Variants in CTNNA3 observed in about 807,000 individuals in gnomAD.
CTNNA3 encodes the protein catenin alpha-3.
Under a neutral mutation model 95.7 loss-of-function variants are expected in CTNNA3, and 76 were observed. The observed-to-expected ratio is 0.79, with a 90% CI of 0.66 to 0.96. The LOEUF is 0.96. CTNNA3 is among the 40% of genes least tolerant of loss of function. CTNNA3 has a pLI of 0.00. For synonymous variants in CTNNA3, 431 were observed against 374.4 expected (o/e 1.15, Z -1.74); for missense variants, 1,191 against 1,089.8 (o/e 1.09, Z -1.31).
At chr10:67,386,997 T>A (rs574959544) in intron 5 of CTNNA3, among the ~76,000 whole-genome samples, 50 of 152,194 alleles carry the variant, frequency 3.3e-4, no homozygotes, top group Non-Finnish European at 5.6e-4. Flanking sequence ...TTCCTATCCT[T>A]CTTTAAATCA....
chr10:66,492,235 C>A (rs911035210), intron 11 of CTNNA3, among the ~76,000 whole-genome samples: 1 of 152,070 alleles, frequency 6.6e-6, no homozygotes, highest in Non-Finnish European at 1.5e-5. Flanking sequence ...GAAGAAAATA[C>A]ACTTATTATA....
At chr10:66,253,751 T>G (rs1955296) in intron 13 of CTNNA3, among the ~76,000 whole-genome samples, 30,698 of 152,080 alleles carry the variant, frequency 0.2, 3,777 homozygotes, top group African/African-American at 0.34. Context: ...TTTTGCTTTT[T>G]GGATGGGTGG....
At position 67,576,440 on chromosome 10, in the gene CTNNA3, A is replaced by G. The variant is rs572092948; in HGVS notation, c.292+30417T>C. ...TAGTTTTCCTTACCCCCTCTACTAT[A>G]ATTGTTGTATAAAATCTAAAGTTTT... On this transcript the variant is annotated intron_variant, in intron 3 of 17. Coordinates refer to ENST00000433211, the MANE Select transcript of CTNNA3 (RefSeq NM_013266.4). 1.3e-4 allele frequency among the ~76,000 whole-genome samples: 20 copies of G among 152,142 alleles called. No homozygotes were observed. In the South Asian group the frequency reaches 4.2e-3, roughly 32 times the overall value.
intron 11 of CTNNA3, among the ~76,000 whole-genome samples, chr10:66,448,931 C>T (rs1397485973): frequency 6.6e-6 from 1 of 151,976 alleles, no homozygotes; most frequent in Non-Finnish European, 1.5e-5. Flanking sequence ...TTTGGCAGAA[C>T]CCACAATAAT....
chr10:67,363,254 GA>G (rs1369828967), intron 5 of CTNNA3, among the ~76,000 whole-genome samples: 3 of 151,648 alleles, frequency 2.0e-5, no homozygotes, highest in African/African-American at 4.8e-5. Context: ...CACAGAATTA[GA>G]AAAAAAATTT....
intron 12 of CTNNA3, among the ~76,000 whole-genome samples, chr10:66,332,991 T>C (rs540567769): frequency 9.1e-4 from 139 of 152,164 alleles, no homozygotes; most frequent in African/African-American, 3.2e-3. Flanking sequence ...TCCATTTCTT[T>C]GAGATTTTCT....
intron 11 of CTNNA3, among the ~76,000 whole-genome samples, chr10:66,492,179 T>C (rs961012194): frequency 6.6e-5 from 10 of 152,182 alleles, no homozygotes; most frequent in African/African-American, 1.9e-4. Context: ...CTACACACCA[T>C]CCTTTTTTGC....
chr10:66,193,330 A>G (rs1273752690), intron 13 of CTNNA3, among the ~76,000 whole-genome samples: 3 of 152,182 alleles, frequency 2.0e-5, no homozygotes, highest in Non-Finnish European at 4.4e-5. Context: ...TTGCTGGGAC[A>G]AAAACCATAA....
chr10:67,759,646 T>C (rs1213904933), intron 1 of CTNNA3, among the ~76,000 whole-genome samples: 1 of 152,194 alleles, frequency 6.6e-6, no homozygotes, highest in Admixed American at 6.5e-5. Context: ...CTTGTGAATA[T>C]AATAGAATAA....
At chr10:67,195,970 A>G (rs562887684) in intron 6 of CTNNA3, among the ~76,000 whole-genome samples, 1 of 143,416 alleles carries the variant, frequency 7.0e-6, no homozygotes, top group African/African-American at 2.9e-5. Context: ...AGCTACAATT[A>G]TAATCAAGTA....
intron 10 of CTNNA3, among the ~76,000 whole-genome samples, chr10:66,547,975 G>A (rs1414154379): frequency 1.3e-5 from 2 of 151,348 alleles, no homozygotes; most frequent in African/African-American, 2.4e-5. Flanking sequence ...GAGTGCAATG[G>A]TGCAATCTTG....
Position 67,090,726 on chromosome 10 carries a change from C to T in CTNNA3, c.1047+89591G>A, listed in dbSNP as rs151238235. Among the ~76,000 whole-genome samples the T allele has an allele frequency of 5.4e-3, 828 of 152,096 alleles. 7 individuals carry two copies. Among genetic ancestry groups the T allele is most frequent in the South Asian group, 0.011 (52 of 4,824 alleles). ...AAAATAATGAAGAGAATATTAGAGA[C>T]GTGTCCAGGCCACGCATCAACTGAC... On this transcript the variant is annotated intron_variant, in intron 7 of 17. Transcript: ENST00000433211.
chr10:66,187,319 A>AAAACAACAAGGC (rs2086397652), intron 13 of CTNNA3, among the ~76,000 whole-genome samples: 1 of 151,752 alleles, frequency 6.6e-6, no homozygotes, highest in Admixed American at 6.6e-5. Context: ...CAGTTAGGAA[A>AAAACAACAAGGC]AAACAACAAG....
chr10:66,357,344 T>A (rs1267396521), intron 12 of CTNNA3, among the ~76,000 whole-genome samples: 1 of 152,116 alleles, frequency 6.6e-6, no homozygotes, highest in Non-Finnish European at 1.5e-5. Context: ...CTTTAAGATA[T>A]AATTTACATA....
intron 13 of CTNNA3, among the ~76,000 whole-genome samples, chr10:66,176,500 A>G (rs1278770776): frequency 1.3e-5 from 2 of 152,164 alleles, no homozygotes; most frequent in African/African-American, 2.4e-5. Context: ...ACTATTCTTT[A>G]AAAGTCTTAA....
At chr10:67,179,414 C>G (rs1317750924) in intron 7 of CTNNA3, among the ~76,000 whole-genome samples, 1 of 134,814 alleles carries the variant, frequency 7.4e-6, no homozygotes, top group Non-Finnish European at 1.5e-5. Context: ...TGTATAAATA[C>G]AGTGAAACAA....
chr10:65,946,766 T>C (rs1348909399), intron 17 of CTNNA3, among the ~76,000 whole-genome samples: 1 of 152,174 alleles, frequency 6.6e-6, no homozygotes, highest in Non-Finnish European at 1.5e-5. Context: ...CCTAAACATT[T>C]CTGTAAATAT....
chr10:67,030,068 A>G (rs913545416), intron 7 of CTNNA3, among the ~76,000 whole-genome samples: 1 of 152,244 alleles, frequency 6.6e-6, no homozygotes, highest in Non-Finnish European at 1.5e-5. Context: ...ACAATCTTGT[A>G]ATAATCATAT....
intron 5 of CTNNA3, among the ~76,000 whole-genome samples, chr10:67,335,886 G>GTTT (rs1350953222): frequency 2.0e-5 from 3 of 146,938 alleles, no homozygotes; most frequent in African/African-American, 7.7e-5. Flanking sequence ...CACAAATAGT[G>GTTT]TTTTTTTTTT....
Sources: gnomAD v4.1 joint callset for allele counts (sites outside exome capture counted in the v4.1 genomes callset) on GRCh38, gnomAD v4.1.1 for gene constraint, MANE v1.5 for transcripts, NCBI Gene and HGNC (gene_info 2026-07-23, HGNC 2026-07-21) for gene names.